Variants in RARB observed in about 807,000 individuals in gnomAD.
RARB encodes the protein HBV-activated protein.
In RARB, 17 loss-of-function variants were observed where a neutral mutation model predicts 51.9. The observed-to-expected ratio is 0.33, with a 90% CI of 0.22 to 0.49. RARB has a LOEUF of 0.49. Ranked by LOEUF, RARB falls within the 20% of genes least tolerant of loss-of-function variation. The pLI is 0.99. For missense variants in RARB, 369 were observed against 550.8 expected (o/e 0.67, Z 3.30); for synonymous variants, 215 against 195.4 (o/e 1.10, Z -0.84).
chr3:25,400,193 G>T (rs1025379873), intron 5 of RARB, among the ~76,000 whole-genome samples: 1 of 152,150 alleles, frequency 6.6e-6, no homozygotes, highest in Non-Finnish European at 1.5e-5. Flanking sequence ...ATTCTCCTCT[G>T]TCCATAGACA....
At chr3:25,471,786 C>A (rs550736887) in intron 2 of RARB, among the ~76,000 whole-genome samples, 5 of 152,290 alleles carry the variant, frequency 3.3e-5, no homozygotes, top group African/African-American at 1.2e-4. Flanking sequence ...TAAAGGTCTG[C>A]TATTATTGCA....
At chr3:24,856,404 A>G (rs1702637316) in intron 1 of RARB, among the ~76,000 whole-genome samples, 1 of 152,186 alleles carries the variant, frequency 6.6e-6, no homozygotes, top group African/African-American at 2.4e-5. Flanking sequence ...AGTAACTCTG[A>G]GGTAGATATG....
At chr3:25,204,844 T>C (rs1185470205) in intron 5 of RARB, among the ~76,000 whole-genome samples, 1 of 152,086 alleles carries the variant, frequency 6.6e-6, no homozygotes, top group African/African-American at 2.4e-5. Context: ...TACTTGGGGG[T>C]GCCTGCCAGT....
chr3:25,280,061 T>G (rs1422944324), intron 5 of RARB, among the ~76,000 whole-genome samples: 2 of 152,162 alleles, frequency 1.3e-5, no homozygotes, highest in Non-Finnish European at 2.9e-5. Flanking sequence ...TCATTTAATA[T>G]AAATGTTTTA....
chr3:25,415,562 T>C (rs1707681541), intron 5 of RARB, among the ~76,000 whole-genome samples: 1 of 152,190 alleles, frequency 6.6e-6, no homozygotes, highest in Non-Finnish European at 1.5e-5. Flanking sequence ...AATACTACCT[T>C]TTTCCTGGTC....
chr3:25,345,126 G>C (rs969976442), intron 5 of RARB, among the ~76,000 whole-genome samples: 1 of 152,120 alleles, frequency 6.6e-6, no homozygotes, highest in African/African-American at 2.4e-5. Context: ...TCTAGGTCAA[G>C]CCCAGACTCA....
chr3:25,496,503 C>T lies in RARB; in HGVS notation c.307-4679C>T, dbSNP rs538407145. 7.2e-5 allele frequency among the ~76,000 whole-genome samples: 11 copies of T among 152,306 alleles called. No individual in the cohort carries two copies. The East Asian group carries it at 1.9e-3, about 27-fold the overall frequency. ...GCATGAGTATCGGCAAGGAAGGTGG[C>T]ACACTTGATGGCACTGAGACACCTT... is the stretch of plus-strand genomic sequence containing the variant. On this transcript the variant is annotated intron_variant, in intron 2 of 7. Coordinates refer to ENST00000330688, the MANE Select transcript of RARB (RefSeq NM_000965.5).
At chr3:25,150,200 C>CAA (rs34908200) in intron 4 of RARB, among the ~76,000 whole-genome samples, 3 of 140,080 alleles carry the variant, frequency 2.1e-5, no homozygotes, top group African/African-American at 5.3e-5. Flanking sequence ...GGCTCTGTCT[C>CAA]AAAAAAAAAA....
At chr3:25,058,215 A>G (rs983667722) in intron 2 of RARB, among the ~76,000 whole-genome samples, 13 of 151,956 alleles carry the variant, frequency 8.6e-5, no homozygotes, top group African/African-American at 2.4e-4. Flanking sequence ...GTATAGGTAA[A>G]GAAGGTTAAC....
At chr3:24,976,780 C>T (rs540806121) in intron 2 of RARB, among the ~76,000 whole-genome samples, 9 of 152,270 alleles carry the variant, frequency 5.9e-5, no homozygotes, top group African/African-American at 9.6e-5. Context: ...TCCCATTTGT[C>T]AATTTTGGCT....
chr3:24,833,394 T>C (rs1008329760), intron 1 of RARB, among the ~76,000 whole-genome samples: 7 of 152,172 alleles, frequency 4.6e-5, no homozygotes, highest in African/African-American at 1.4e-4. Context: ...CCCATCTTTT[T>C]TATATTGCCT....
chr3:25,354,509 A>G (rs1476407048), intron 5 of RARB, among the ~76,000 whole-genome samples: 1 of 152,108 alleles, frequency 6.6e-6, no homozygotes, highest in Non-Finnish European at 1.5e-5. Context: ...GATAAAGGAG[A>G]AAAAGAACTA....
chr3:25,047,352 G>C (rs181557901), intron 2 of RARB, among the ~76,000 whole-genome samples: 1 of 152,086 alleles, frequency 6.6e-6, no homozygotes, highest in Admixed American at 6.5e-5. Flanking sequence ...TTTTGGAAGC[G>C]TTCCAGCCCA....
intron 1 of RARB, among the ~76,000 whole-genome samples, chr3:24,836,555 A>G (rs1225463429): frequency 1.3e-5 from 2 of 152,140 alleles, no homozygotes; most frequent in African/African-American, 2.4e-5. Flanking sequence ...CATCCTCCAA[A>G]TGGCTTCCCA....
At chr3:25,034,225 G>C (rs1427305143) in intron 2 of RARB, among the ~76,000 whole-genome samples, 1 of 152,160 alleles carries the variant, frequency 6.6e-6, no homozygotes, top group East Asian at 1.9e-4. Context: ...CGGGAGAATC[G>C]CTTGAACCTG....
intron 2 of RARB, among the ~76,000 whole-genome samples, chr3:24,938,622 C>A (rs563271996): frequency 6.6e-6 from 1 of 152,082 alleles, no homozygotes; most frequent in Admixed American, 6.5e-5. Context: ...AATTAAGTGG[C>A]ATTAAGCACG....
chr3:25,346,521 T>A (rs1705399796), intron 5 of RARB, among the ~76,000 whole-genome samples: 1 of 152,076 alleles, frequency 6.6e-6, no homozygotes, highest in East Asian at 1.9e-4. Context: ...GTTTCCTGTA[T>A]GTCTCAGATG....
At chr3:25,071,449 A>G (rs1269308049) in intron 3 of RARB, among the ~76,000 whole-genome samples, 1 of 152,176 alleles carries the variant, frequency 6.6e-6, no homozygotes, top group Middle Eastern at 3.2e-3. Flanking sequence ...CTAACACTCA[A>G]TAATCCAAAC....
At chr3:25,335,276 GAC>G (rs1705031974) in intron 5 of RARB, among the ~76,000 whole-genome samples, 1 of 133,506 alleles carries the variant, frequency 7.5e-6, no homozygotes, top group African/African-American at 2.9e-5. Context: ...CTCTCATGAT[GAC>G]ACACACATCA....
Sources: gnomAD v4.1 joint callset for allele counts (sites outside exome capture counted in the v4.1 genomes callset) on GRCh38, gnomAD v4.1.1 for gene constraint, MANE v1.5 for transcripts, NCBI Gene and HGNC (gene_info 2026-07-23, HGNC 2026-07-21) for gene names.